RNGTT: variants seen among roughly 807,000 people sequenced by gnomAD.
The protein encoded by RNGTT is RNA guanylyltransferase and 5'-phosphatase.
A neutral mutation model predicts 79.3 loss-of-function variants in RNGTT; 33 were observed. The observed-to-expected ratio is 0.42, with a 90% CI of 0.32 to 0.56. The LOEUF is 0.56. RNGTT is among the 20% of genes least tolerant of loss of function. The pLI is 0.17. For synonymous variants in RNGTT, 222 were observed against 235.9 expected (o/e 0.94, Z 0.54); for missense variants, 497 against 739.1 (o/e 0.67, Z 3.80).
At chr6:88,807,873 G>T (rs895776044) in intron 11 of RNGTT, among the ~76,000 whole-genome samples, 2 of 152,010 alleles carry the variant, frequency 1.3e-5, no homozygotes, top group African/African-American at 2.4e-5. Context: ...CTGAAATTAC[G>T]CCAGCCATGA....
chr6:88,913,725 T>C (rs114346339), intron 4 of RNGTT, among the ~76,000 whole-genome samples: 3,332 of 152,094 alleles, frequency 0.022, 123 homozygotes, highest in African/African-American at 0.076. Flanking sequence ...ATAAGAACCA[T>C]CTATGCTAAA....
intron 13 of RNGTT, among the ~76,000 whole-genome samples, chr6:88,720,301 CACATA>C (rs954820492): frequency 1.3e-5 from 2 of 152,062 alleles, no homozygotes; most frequent in African/African-American, 4.8e-5. Flanking sequence ...TCAAGACCTT[CACATA>C]TTTTTTCTGC....
intron 11 of RNGTT, among the ~76,000 whole-genome samples, chr6:88,833,805 C>T (rs189371021): frequency 6.6e-5 from 10 of 152,184 alleles, no homozygotes; most frequent in African/African-American, 2.2e-4. Flanking sequence ...AGGCAGATCA[C>T]GAGGTCAGGA....
chr6:88,715,454 G>C (rs1776476231), intron 13 of RNGTT, among the ~76,000 whole-genome samples: 1 of 152,010 alleles, frequency 6.6e-6, no homozygotes, highest in Admixed American at 6.6e-5. Context: ...TCACAGAATT[G>C]GAAAAAACTA....
chr6:88,678,185 G>T, intron 14 of RNGTT, 168 bp downstream of exon 14: 2 of 1,252,976 alleles, frequency 1.6e-6, no homozygotes, highest in East Asian at 3.3e-5. Flanking sequence ...GTAGAGACAG[G>T]GTTCCCAGCA....
At chr6:88,921,319 TAA>T (rs879797651) in intron 4 of RNGTT, among the ~76,000 whole-genome samples, 6 of 144,988 alleles carry the variant, frequency 4.1e-5, no homozygotes, top group Admixed American at 6.9e-5. Context: ...ACCTGGTCTT[TAA>T]AAAAAAAAAA....
At chr6:88,908,095 T>G (rs1049673312) in intron 4 of RNGTT, among the ~76,000 whole-genome samples, 2 of 152,176 alleles carry the variant, frequency 1.3e-5, no homozygotes, top group Admixed American at 6.5e-5. Flanking sequence ...ATCATACTGA[T>G]ACAGTGCAAC....
At chr6:88,928,217 A>C (rs1784383499) in intron 4 of RNGTT, among the ~76,000 whole-genome samples, 1 of 152,172 alleles carries the variant, frequency 6.6e-6, no homozygotes, top group Non-Finnish European at 1.5e-5. Flanking sequence ...GTCTCAAAAA[A>C]TAATTTTTCA....
At chr6:88,646,675 G>C (rs1157342360) in intron 14 of RNGTT, among the ~76,000 whole-genome samples, 1 of 152,134 alleles carries the variant, frequency 6.6e-6, no homozygotes, top group Non-Finnish European at 1.5e-5. Flanking sequence ...AAAAAATGAT[G>C]AGTTCATGTC....
At chr6:88,855,389 A>T (rs1781811601) in intron 8 of RNGTT, among the ~76,000 whole-genome samples, 1 of 152,186 alleles carries the variant, frequency 6.6e-6, no homozygotes, top group Non-Finnish European at 1.5e-5. Context: ...AGGGAAAACA[A>T]GTGTACAAAC....
At chr6:88,823,761 C>T (rs549515808) in intron 11 of RNGTT, among the ~76,000 whole-genome samples, 5 of 152,102 alleles carry the variant, frequency 3.3e-5, no homozygotes, top group African/African-American at 9.6e-5. Context: ...TTCAACTTTT[C>T]TGTATATTTA....
At chr6:88,729,388 G>GAA (rs59571346) in intron 13 of RNGTT, among the ~76,000 whole-genome samples, 3,893 of 79,706 alleles carry the variant, frequency 0.049, 190 homozygotes, top group African/African-American at 0.13. Flanking sequence ...ACCAGAAAAA[G>GAA]AAAAAAAAAA....
At chr6:88,754,285 T>G (rs887604721) in intron 13 of RNGTT, among the ~76,000 whole-genome samples, 4 of 152,126 alleles carry the variant, frequency 2.6e-5, no homozygotes, top group Non-Finnish European at 4.4e-5. Flanking sequence ...TAGCAAATCC[T>G]GAGAAGAGTA....
chr6:88,656,379 TTGG>T (rs1203144219), intron 14 of RNGTT, among the ~76,000 whole-genome samples: 1 of 152,138 alleles, frequency 6.6e-6, no homozygotes, highest in Admixed American at 6.5e-5. Context: ...TATAAAATGA[TTGG>T]TGTTTTATGT....
chr6:88,811,321 T>A (rs1780130136), intron 11 of RNGTT, among the ~76,000 whole-genome samples: 1 of 152,182 alleles, frequency 6.6e-6, no homozygotes, highest in South Asian at 2.1e-4. Context: ...TCATAAGGTT[T>A]TTCCTATAAA....
chr6:88,669,800 T>C (rs746918417), intron 14 of RNGTT, among the ~76,000 whole-genome samples: 6 of 152,196 alleles, frequency 3.9e-5, no homozygotes, highest in Admixed American at 6.5e-5. Flanking sequence ...TAGGCTTCCC[T>C]GTCTATGCTT....
chr6:88,776,130 T>C (rs1441195520), intron 12 of RNGTT, among the ~76,000 whole-genome samples: 1 of 152,176 alleles, frequency 6.6e-6, no homozygotes, highest in East Asian at 1.9e-4. Context: ...TCCATAATGG[T>C]TGTACCAATT....
At chr6:88,630,191 T>C (rs1233300149) in intron 14 of RNGTT, among the ~76,000 whole-genome samples, 1 of 152,098 alleles carries the variant, frequency 6.6e-6, no homozygotes, top group Non-Finnish European at 1.5e-5. Flanking sequence ...GAGAAAACTA[T>C]GGAATGGTGA....
At chr6:88,893,898 T>C (rs9637943) in intron 6 of RNGTT, among the ~76,000 whole-genome samples, 6,244 of 152,258 alleles carry the variant, frequency 0.041, 191 homozygotes, top group African/African-American at 0.077. Context: ...GTTACTACAA[T>C]AGTTCTGACA....
Sources: gnomAD v4.1 joint callset for allele counts (sites outside exome capture counted in the v4.1 genomes callset) on GRCh38, gnomAD v4.1.1 for gene constraint, MANE v1.5 for transcripts, NCBI Gene and HGNC (gene_info 2026-07-23, HGNC 2026-07-21) for gene names.